Variants in ADCY2 observed in about 807,000 individuals in gnomAD.
The protein encoded by ADCY2 is adenylate cyclase 2.
ADCY2 carries 31 observed loss-of-function variants against 125.2 expected under a neutral mutation model. That is an observed-to-expected ratio of 0.25 (90% CI 0.19 to 0.33). ADCY2 has a LOEUF of 0.33. Ranked by LOEUF, ADCY2 falls within the 10% of genes least tolerant of loss-of-function variation. The pLI is 1.00. For missense variants in ADCY2, 904 were observed against 1,418.2 expected, an observed-to-expected ratio of 0.64 and a Z score of 5.82; for synonymous variants, 512 against 548.4, an observed-to-expected ratio of 0.93 and a Z score of 0.93.
intron 4 of ADCY2, among the ~76,000 whole-genome samples, chr5:7,688,058 GA>G (rs1740577540): frequency 1.3e-5 from 2 of 151,206 alleles, no homozygotes; most frequent in South Asian, 2.1e-4. Flanking sequence ...TTTCCAAATA[GA>G]TAGCCTAGAT....
At chr5:7,655,701 G>A (rs969114633) in intron 4 of ADCY2, among the ~76,000 whole-genome samples, 1 of 152,178 alleles carries the variant, frequency 6.6e-6, no homozygotes, top group Non-Finnish European at 1.5e-5. Context: ...GCATGCCGTG[G>A]CCCAGTCAAG....
At chr5:7,503,394 A>G (rs1018939379) in intron 2 of ADCY2, among the ~76,000 whole-genome samples, 1 of 152,192 alleles carries the variant, frequency 6.6e-6, no homozygotes. Context: ...TGAGAAACCA[A>G]TCGCTCGCAC....
At chr5:7,745,186 C>G (rs1157213907) in intron 15 of ADCY2, among the ~76,000 whole-genome samples, 1 of 152,216 alleles carries the variant, frequency 6.6e-6, no homozygotes, top group Non-Finnish European at 1.5e-5. Context: ...TGAAAAGTGG[C>G]AGTCCTGACC....
chr5:7,801,036 G>C (rs541785504), intron 20 of ADCY2: 1 of 152,068 alleles, frequency 6.6e-6, no homozygotes, highest in Non-Finnish European at 1.5e-5. Flanking sequence ...AGAGTGGCTG[G>C]TCCTGAGAAC....
chr5:7,670,195 G>A (rs1399011388), intron 4 of ADCY2, among the ~76,000 whole-genome samples: 1 of 152,136 alleles, frequency 6.6e-6, no homozygotes. Flanking sequence ...AACACTACAG[G>A]GAGGCGTGGC....
At chr5:7,760,872 A>G (rs780093812) in intron 16 of ADCY2, among the ~76,000 whole-genome samples, 16 of 152,170 alleles carry the variant, frequency 1.1e-4, no homozygotes, top group Non-Finnish European at 2.2e-4. Flanking sequence ...ACATGACTGC[A>G]GCTTTGTACC....
chr5:7,705,835 G>A (rs772164785), intron 7 of ADCY2, among the ~76,000 whole-genome samples: 7 of 152,120 alleles, frequency 4.6e-5, no homozygotes, highest in Non-Finnish European at 8.8e-5. Flanking sequence ...TCGTGGGTCC[G>A]TTTTGTTTGA....
intron 4 of ADCY2, among the ~76,000 whole-genome samples, chr5:7,675,701 A>T (rs908274522): frequency 2.0e-5 from 3 of 152,252 alleles, no homozygotes; most frequent in Non-Finnish European, 2.9e-5. Context: ...AACAAAATAT[A>T]TCAGGAGAGA....
intron 2 of ADCY2, among the ~76,000 whole-genome samples, chr5:7,510,614 T>G (rs72709179): frequency 0.16 from 24,409 of 152,118 alleles, 2,101 homozygotes; most frequent in African/African-American, 0.2. Flanking sequence ...TAGGATGCAG[T>G]GTCATTGTTG....
intron 3 of ADCY2, among the ~76,000 whole-genome samples, chr5:7,620,017 G>A (rs1357032068): frequency 6.6e-6 from 1 of 152,242 alleles, no homozygotes; most frequent in Admixed American, 6.5e-5. Flanking sequence ...GGATCTTCTA[G>A]GCTTATCTCT....
chr5:7,504,676 G>T (rs1375148404), intron 2 of ADCY2, among the ~76,000 whole-genome samples: 1 of 147,166 alleles, frequency 6.8e-6, no homozygotes. Flanking sequence ...GCAGTGGTGC[G>T]ATCTTGGGTG....
intron 20 of ADCY2, chr5:7,801,576 A>G (rs1265226384): frequency 2.0e-5 from 3 of 152,366 alleles, no homozygotes; most frequent in African/African-American, 7.2e-5. Flanking sequence ...TGTTGGGAAA[A>G]TTATGGAAAC....
intron 3 of ADCY2, among the ~76,000 whole-genome samples, chr5:7,586,325 C>T (rs978357061): frequency 6.6e-6 from 1 of 152,176 alleles, no homozygotes; most frequent in African/African-American, 2.4e-5. Context: ...GATGTGCAAA[C>T]TCAAGCCAGA....
intron 2 of ADCY2, among the ~76,000 whole-genome samples, chr5:7,482,682 A>G (rs1317180275): frequency 6.6e-6 from 1 of 150,916 alleles, no homozygotes; most frequent in African/African-American, 2.4e-5. Flanking sequence ...CTGCACCTTG[A>G]TGTTTATTGT....
chr5:7,479,274 G>C (rs957640374), intron 2 of ADCY2, among the ~76,000 whole-genome samples: 3 of 152,006 alleles, frequency 2.0e-5, no homozygotes, highest in African/African-American at 4.8e-5. Context: ...CAGAAACACT[G>C]TACTGGCTCA....
intron 2 of ADCY2, among the ~76,000 whole-genome samples, chr5:7,431,285 C>T (rs1740589854): frequency 6.6e-6 from 1 of 152,146 alleles, no homozygotes; most frequent in Admixed American, 6.5e-5. Context: ...TAAGCCAATT[C>T]AGTGGGAAAA....
In ADCY2 at chr5:7,656,825, C is replaced by G. The variant is rs1490408937; in HGVS notation, c.720+30509C>G. Among the ~76,000 whole-genome samples the G allele has an allele frequency of 2.6e-5, 4 of 152,216 alleles. No homozygotes were observed. In the East Asian group the frequency reaches 7.7e-4, roughly 29 times the overall value. Reference sequence around the variant, plus strand: ...GAATGAAAGCATCTGATTTTAGAGTCTGCAGTCTTCTATGACTGAGCTGTC... The same window carrying G: ...GAATGAAAGCATCTGATTTTAGAGTGTGCAGTCTTCTATGACTGAGCTGTC... On this transcript the variant is annotated intron_variant, in intron 4 of 24. Transcript: ENST00000338316.
intron 2 of ADCY2, among the ~76,000 whole-genome samples, chr5:7,479,181 G>C (rs545859191): frequency 3.3e-5 from 5 of 152,104 alleles, no homozygotes; most frequent in African/African-American, 1.2e-4. Flanking sequence ...CCAGCATGAG[G>C]AGGTCTGGAA....
chr5:7,761,154 T>TTTCTTTTCTTTTC (rs1427986793), intron 16 of ADCY2, among the ~76,000 whole-genome samples: 2 of 129,662 alleles, frequency 1.5e-5, no homozygotes, highest in African/African-American at 5.9e-5. Context: ...TTTTCTTTTT[T>TTTCTTTTCTTTTC]TTTTTTTTTT....
Sources: allele counts gnomAD v4.1 joint callset (sites outside exome capture counted in the v4.1 genomes callset), GRCh38; gene constraint gnomAD v4.1.1; transcripts MANE v1.5; gene names NCBI Gene and HGNC (gene_info 2026-07-23, HGNC 2026-07-21).